The following PTK2 variants were observed in gnomAD, a reference collection of about 807,000 sequenced individuals.
PTK2 encodes the protein focal adhesion kinase 1.
In PTK2, 45 loss-of-function variants were observed where a neutral mutation model predicts 150.1. The observed-to-expected ratio is 0.30, with a 90% CI of 0.24 to 0.38. PTK2 has a LOEUF of 0.38. Among genes scored for constraint, PTK2 ranks in the 10% least tolerant of loss-of-function variants. The probability of loss-of-function intolerance (pLI) is 1.00; values close to 1 mark genes in which losing one functional copy is unlikely to be tolerated. For missense variants in PTK2, 919 were observed against 1,307.3 expected (o/e 0.70, Z 4.58); for synonymous variants, 432 against 449.2 (o/e 0.96, Z 0.48).
In PTK2 at chr8:140,744,506, C is replaced by T. The variant is rs2100057568; in HGVS notation, c.1634+146G>A. On this transcript the variant is annotated intron_variant, in intron 19 of 31. Transcript: ENST00000522684. ...GTGTACAATAGATTCCAATGGTATA[C>T]AGAATACAATTTTGTAGAATTGGTA... 6.6e-6 allele frequency: 3 copies of T among 453,470 alleles called. No homozygotes were observed. In the South Asian group the frequency reaches 2.1e-4, roughly 32 times the overall value. The allele number at this position is 453,470 out of a possible 1,614,324, so 28.1% of individuals were successfully genotyped here.
At chr8:140,722,163 G>T (rs1382423535) in intron 22 of PTK2, among the ~76,000 whole-genome samples, 2 of 152,174 alleles carry the variant, frequency 1.3e-5, no homozygotes, top group Non-Finnish European at 1.5e-5. Flanking sequence ...AAAGAGACAG[G>T]GTTTCGCTAT....
intron 1 of PTK2, among the ~76,000 whole-genome samples, chr8:140,995,333 A>C (rs1569548470): frequency 1.3e-5 from 2 of 148,168 alleles, no homozygotes; most frequent in South Asian, 4.4e-4. Flanking sequence ...CAGTGAGCCG[A>C]GATCGCACCA....
At chr8:140,936,224 A>G (rs1237354335) in intron 1 of PTK2, among the ~76,000 whole-genome samples, 1 of 152,198 alleles carries the variant, frequency 6.6e-6, no homozygotes, top group Non-Finnish European at 1.5e-5. Context: ...TTTAACTAAT[A>G]AAATCAATTG....
intron 27 of PTK2, among the ~76,000 whole-genome samples, chr8:140,678,809 T>G (rs542579024): frequency 6.6e-6 from 1 of 151,858 alleles, no homozygotes; most frequent in East Asian, 1.9e-4. Context: ...TCAGGGCAGA[T>G]AGAGAGGCGT....
intron 18 of PTK2, among the ~76,000 whole-genome samples, chr8:140,745,076 AAAT>A (rs1344255769): frequency 1.0e-5 from 1 of 96,230 alleles, no homozygotes; most frequent in East Asian, 3.6e-4. Context: ...AATTATTGCT[AAAT>A]AATAATAACA....
At chr8:140,720,594 G>A (rs1276094395) in intron 22 of PTK2, among the ~76,000 whole-genome samples, 1 of 152,200 alleles carries the variant, frequency 6.6e-6, no homozygotes, top group Non-Finnish European at 1.5e-5. Flanking sequence ...TTGAAGGGTT[G>A]TTGCGAATAT....
chr8:140,790,800 T>A (rs1209891827), intron 13 of PTK2, among the ~76,000 whole-genome samples: 1 of 152,244 alleles, frequency 6.6e-6, no homozygotes, highest in Non-Finnish European at 1.5e-5. Flanking sequence ...CATTACTTTC[T>A]CTTCCATTGC....
In PTK2 at chr8:140,897,629, G is replaced by A. The variant is rs992176719; in HGVS notation, c.-32-6860C>T. Among the ~76,000 whole-genome samples the A allele has an allele frequency of 5.9e-5, 9 of 152,154 alleles. No individual in the cohort carries two copies. In the East Asian group the frequency reaches 7.7e-4, roughly 13 times the overall value. On this transcript the variant is annotated intron_variant, in intron 2 of 31. Coordinates refer to ENST00000522684, the Ensembl canonical transcript of PTK2. The stretch of plus-strand genomic sequence containing the variant: ...GTCACCTCTTTGGGCACTCATCACG[G>A]TTTGGTCAGTTCAAAGAATGGCCTC...
intron 10 of PTK2, among the ~76,000 whole-genome samples, chr8:140,810,480 T>C (rs995845376): frequency 3.9e-5 from 6 of 152,168 alleles, no homozygotes; most frequent in Non-Finnish European, 7.4e-5. Flanking sequence ...GCCCACATCA[T>C]AGCCCCTGCA....
intron 5 of PTK2, among the ~76,000 whole-genome samples, chr8:140,852,059 T>C (rs567639344): frequency 6.6e-6 from 1 of 152,274 alleles, no homozygotes; most frequent in South Asian, 2.1e-4. Flanking sequence ...CATGACATCT[T>C]CTAATAAATC....
chr8:140,911,147 T>C (rs1196393383), intron 2 of PTK2, among the ~76,000 whole-genome samples: 1 of 151,880 alleles, frequency 6.6e-6, no homozygotes, highest in East Asian at 1.9e-4. Context: ...CACCTCAGCC[T>C]CCCAAAGCAC....
At chr8:140,696,834 G>T (rs2100026855) in intron 26 of PTK2, among the ~76,000 whole-genome samples, 1 of 152,166 alleles carries the variant, frequency 6.6e-6, no homozygotes, top group African/African-American at 2.4e-5. Context: ...GAATAGGAAA[G>T]ACATGGTCCA....
intron 8 of PTK2, among the ~76,000 whole-genome samples, chr8:140,828,843 C>G (rs1033110817): frequency 6.6e-6 from 1 of 152,178 alleles, no homozygotes; most frequent in Non-Finnish European, 1.5e-5. Flanking sequence ...TATGGGCCAC[C>G]CACACCTAAT....
At chr8:140,947,441 G>A (rs774706030) in intron 1 of PTK2, among the ~76,000 whole-genome samples, 19 of 152,030 alleles carry the variant, frequency 1.2e-4, no homozygotes, top group African/African-American at 1.7e-4. Flanking sequence ...GTCTGAACTC[G>A]AGCTCATCTA....
intron 23 of PTK2, among the ~76,000 whole-genome samples, chr8:140,715,106 G>C (rs1199866991): frequency 2.8e-5 from 4 of 141,162 alleles, no homozygotes; most frequent in Non-Finnish European, 4.5e-5. Context: ...TAATCATCAA[G>C]CATCTGTATA....
In PTK2 at chr8:140,846,786, C is replaced by T. The variant is rs566281378; in HGVS notation, c.451-108G>A. 471 of 690,610 alleles carry T rather than the reference C, an allele frequency of 6.8e-4. 4 individuals are homozygous for T. The Middle Eastern group carries it at 9.8e-3, about 14-fold the overall frequency. The allele number at this position is 690,610 out of a possible 1,614,324, so 42.8% of individuals were successfully genotyped here. A position where few individuals can be genotyped will look rare whatever the true frequency, so the allele number is the denominator to read the frequency against. ...ACCTTTCATATAGTTTACATTATGTCGGTAATTACGCTTGATGTTAAAGAT... is the reference window on the plus strand; with the variant it reads ...ACCTTTCATATAGTTTACATTATGTTGGTAATTACGCTTGATGTTAAAGAT... On this transcript the variant is annotated intron_variant, in intron 5 of 31. Transcript: ENST00000522684.
At chr8:140,913,444 C>A (rs1236456404) in intron 2 of PTK2, among the ~76,000 whole-genome samples, 1 of 151,802 alleles carries the variant, frequency 6.6e-6, no homozygotes, top group African/African-American at 2.4e-5. Flanking sequence ...TACAAGTACA[C>A]GCCACTACAC....
intron 15 of PTK2, 89 bp downstream of exon 17, chr8:140,764,145 C>T (rs778863702): frequency 1.9e-6 from 2 of 1,057,254 alleles, no homozygotes; most frequent in East Asian, 4.7e-5. Flanking sequence ...TTAAAAATGG[C>T]TCTAAAAAGA....
intron 1 of PTK2, among the ~76,000 whole-genome samples, chr8:140,970,173 T>G (rs1467981377): frequency 2.6e-5 from 4 of 152,244 alleles, no homozygotes; most frequent in African/African-American, 9.6e-5. Flanking sequence ...TCCTGGGAAG[T>G]ACACACTGTG....
Sources: gnomAD v4.1 joint callset for allele counts (sites outside exome capture counted in the v4.1 genomes callset) on GRCh38, gnomAD v4.1.1 for gene constraint, MANE v1.5 for transcripts, NCBI Gene and HGNC (gene_info 2026-07-23, HGNC 2026-07-21) for gene names.